The following NRAP variants were observed in gnomAD, a reference collection of about 807,000 sequenced individuals.
NRAP encodes nebulin related anchoring protein.
A neutral mutation model predicts 225.9 loss-of-function variants in NRAP; 189 were observed. That is an observed-to-expected ratio of 0.84 (90% CI 0.74 to 0.94). The LOEUF (loss-of-function observed/expected upper bound fraction) is 0.94, where lower values mean the gene tolerates loss of function less well. NRAP is among the 40% of genes least tolerant of loss of function. The pLI is 0.00. For synonymous variants in NRAP, 769 were observed against 790.7 expected, an observed-to-expected ratio of 0.97 and a Z score of 0.46; for missense variants, 2,176 against 2,168.7, an observed-to-expected ratio of 1.00 and a Z score of -0.07.
intron 20 of NRAP, among the ~76,000 whole-genome samples, chr10:113,627,207 A>G (rs1371821806): frequency 6.6e-6 from 1 of 152,198 alleles, no homozygotes; most frequent in Non-Finnish European, 1.5e-5. Flanking sequence ...ACTGTGTTGA[A>G]TGGGAAAACT....
chr10:113,629,194 C>A (rs1427963000), intron 19 of NRAP, among the ~76,000 whole-genome samples, 173 bp from the exon 20 acceptor site: 1 of 152,194 alleles, frequency 6.6e-6, no homozygotes, highest in African/African-American at 2.4e-5. Flanking sequence ...CCGGGCCCAC[C>A]TTGTAACAAG....
chr10:113,649,172 A>G (rs1182903036), intron 9 of NRAP, among the ~76,000 whole-genome samples: 1 of 152,242 alleles, frequency 6.6e-6, no homozygotes, highest in East Asian at 1.9e-4. Context: ...AGGAGTCCCA[A>G]CCGACCTTCA....
In NRAP at chr10:113,662,663, A is replaced by C. The variant is rs1327767617; in HGVS notation, c.255+16T>G. On this transcript the variant is annotated intron_variant, in intron 3 of 41. Transcript: ENST00000359988. Reference sequence around the variant, plus strand: ...TTCTCCATACCCTCCATCCCACTGAAAATTAAATAACTTACCCCACTGATG... The same window carrying C: ...TTCTCCATACCCTCCATCCCACTGACAATTAAATAACTTACCCCACTGATG... 8 of 1,353,156 alleles carry C rather than the reference A, an allele frequency of 5.9e-6. No homozygotes were observed. Among genetic ancestry groups the C allele is most frequent in the Non-Finnish European group, 2.1e-6 (2 of 941,766 alleles). The allele number at this position is 1,353,156 out of a possible 1,614,324, so 83.8% of individuals were successfully genotyped here.
At chr10:113,659,079 T>A (rs1159761165) in intron 3 of NRAP, among the ~76,000 whole-genome samples, 1 of 152,174 alleles carries the variant, frequency 6.6e-6, no homozygotes, top group Non-Finnish European at 1.5e-5. Flanking sequence ...TTGATGCATA[T>A]ATTTTTAAAT....
chr10:113,648,962 T>C (rs1300858083), intron 9 of NRAP, among the ~76,000 whole-genome samples: 10 of 152,218 alleles, frequency 6.6e-5, no homozygotes, highest in African/African-American at 2.4e-4. Context: ...TTTTGCCAAA[T>C]ATAGAAGCCA....
In NRAP at chr10:113,592,474, G is replaced by A. The variant is rs534620959; in HGVS notation, c.4537-173C>T. Reference sequence around the variant, plus strand: ...AGCACTGGGATTGGTGGGGTTGGCCGTAAAAGGCTTCAGCTCTAAGCCCCC... The same window carrying A: ...AGCACTGGGATTGGTGGGGTTGGCCATAAAAGGCTTCAGCTCTAAGCCCCC... On this transcript the variant is annotated intron_variant, in intron 38 of 41. Transcript: ENST00000359988. Among the ~76,000 whole-genome samples the A allele has an allele frequency of 8.5e-5, 13 of 152,290 alleles. 1 individual carries two copies. The South Asian group carries it at 1.7e-3, about 19-fold the overall frequency.
Position 113,640,328 on chromosome 10 carries a change from C to T in NRAP, c.1327G>A (p.Ala443Thr). The T allele has an allele frequency of 6.5e-7, 1 of 1,534,246 alleles. No homozygotes were observed. Among genetic ancestry groups the T allele is most frequent in the Non-Finnish European group, 8.8e-7 (1 of 1,131,488 alleles). ...TCATGTTTATAATCAGCTTTGTAGG[C>T]AACCTAAAACAGGAAGAAAAGAAGA... ...MKVGSLASNVAYKADYKHDIV... is the reference protein window; with the variant it reads ...MKVGSLASNVTYKADYKHDIV... Residue 443 changes from alanine (A) to threonine (T), a missense_variant, in exon 14 of 42, where the codon GCC (alanine) becomes ACC (threonine). By Grantham distance (58) the Ala-to-Thr change is moderately conservative. Transcript: ENST00000359988.
intron 30 of NRAP, among the ~76,000 whole-genome samples, 153 bp downstream of exon 30, chr10:113,612,081 G>A (rs892559148): frequency 6.6e-6 from 1 of 152,162 alleles, no homozygotes; most frequent in Non-Finnish European, 1.5e-5. Flanking sequence ...CTTAAGGGAT[G>A]TGCAGGAACT....
chr10:113,603,412 C>A (rs1275144406), intron 35 of NRAP, among the ~76,000 whole-genome samples: 1 of 152,036 alleles, frequency 6.6e-6, no homozygotes, highest in African/African-American at 2.4e-5. Context: ...AGGGGCATGG[C>A]TCCCTGCTCT....
At chr10:113,651,114 A>G (rs1849937092) in intron 7 of NRAP, among the ~76,000 whole-genome samples, 1 of 152,246 alleles carries the variant, frequency 6.6e-6, no homozygotes, top group African/African-American at 2.4e-5. Context: ...TACTAATCCA[A>G]TCTAAAGTTT....
chr10:113,627,216 C>A lies in NRAP; in HGVS notation c.2146-1071G>T, dbSNP rs556317705. ...AGTTCCACTGTGTTGAATGGGAAAA[C>A]TCCTTCACCACATAACTGAAGGGAG... On this transcript the variant is annotated intron_variant, in intron 20 of 41. Transcript: ENST00000359988. 8.5e-5 allele frequency among the ~76,000 whole-genome samples: 13 copies of A among 152,322 alleles called. No individual in the cohort carries two copies. The East Asian group carries it at 2.5e-3, about 29-fold the overall frequency.
intron 29 of NRAP, among the ~76,000 whole-genome samples, chr10:113,613,925 CA>C (rs1203414657): frequency 3.3e-5 from 5 of 152,076 alleles, no homozygotes; most frequent in African/African-American, 1.2e-4. Context: ...AAATCCAGAC[CA>C]GTGGCCCATG....
chr10:113,589,072 G>A lies in NRAP; in HGVS notation c.5096C>T (p.Ala1699Val). ...ATGATCTCCAGCCTCCACTGCTTCT[G>A]CCCCCCGCTGCTGAAATCAAACATA... ...GLGLQGAYRG[A>V]EAVEAGDHQS... The change falls in exon 42 of 42, where the codon GCA (alanine) becomes GTA (valine). Residue 1699 changes from alanine (A) to valine (V), a missense_variant. Physicochemically the swap from Ala to Val is moderately conservative, Grantham distance 64. Around this residue, in one of 3 missense-constraint regions of NRAP, gnomAD observed 445 missense variants for 426.1 expected, o/e 1.04. Coordinates refer to ENST00000359988, the MANE Select transcript of NRAP (RefSeq NM_198060.4). 6.2e-7 allele frequency: 1 copy of A among 1,613,208 alleles called. No individual in the cohort carries two copies. The highest frequency in any genetic ancestry group is 1.3e-5 in the African/African-American group (1 of 74,902).
chr10:113,604,900 A>G lies in NRAP; in HGVS notation c.3936T>C (p.Phe1312=). The change falls in exon 35 of 42, where the codon TTT becomes TTC. Residue 1312 remains phenylalanine, a synonymous_variant. Transcript: ENST00000359988. Reference sequence around the variant, plus strand: ...CTATGAGTTTCCCTCGCTCCTTCACAAAGTCATGTCTGTAGAGAAACTGCA... The same window carrying G: ...CTATGAGTTTCCCTCGCTCCTTCACGAAGTCATGTCTGTAGAGAAACTGCA... ...IASDFLYRHD[F]VKERGKLIGP... The G allele has an allele frequency of 1.2e-6, 2 of 1,613,554 alleles. No individual in the cohort carries two copies. The highest frequency in any genetic ancestry group is 2.2e-5 in the South Asian group (2 of 91,044).
chr10:113,662,426 A>T (rs1251630534), intron 3 of NRAP, among the ~76,000 whole-genome samples: 2 of 152,124 alleles, frequency 1.3e-5, no homozygotes, highest in African/African-American at 2.4e-5. Flanking sequence ...GCTATAGGAC[A>T]TTACAACATG....
intron 14 of NRAP, 26 bp from the exon 15 acceptor site, chr10:113,634,236 T>C (rs766357771): frequency 6.8e-7 from 1 of 1,481,024 alleles, no homozygotes; most frequent in South Asian, 1.1e-5. Flanking sequence ...CACAAAAAGA[T>C]GTCATTTGCT....
rs1183864109 is a variant in NRAP at position 113,604,848 on chromosome 10, G to T, written c.3988C>A (p.Arg1330=). ...IGPQSVRDDP[R]IQHCRRMGQL... ...CCCATGCGCCGGCAGTGCTGGATCC[G>T]GGGGTCGTCTCTTACACTCTGGGGC... is the stretch of plus-strand genomic sequence containing the variant. The change falls in exon 35 of 42, where the codon CGG becomes AGG. Residue 1330 remains arginine, a synonymous_variant. Transcript: ENST00000359988. The T allele has an allele frequency of 1.2e-6, 2 of 1,614,188 alleles. No individual in the cohort carries two copies. Among genetic ancestry groups the T allele is most frequent in the Non-Finnish European group, 1.7e-6 (2 of 1,180,030 alleles).
In NRAP at chr10:113,633,129, A is replaced by C. The variant is rs1328108933; in HGVS notation, c.1587T>G (p.Val529=). The change falls in exon 16 of 42, where the codon GTT becomes GTG. Residue 529 remains valine, a synonymous_variant. Coordinates refer to ENST00000359988, the MANE Select transcript of NRAP (RefSeq NM_198060.4). ...TGGTTTTGGCCTTCACCAGCTGAGG[A>C]ACATCCTGGGGCAATGTGTAATTCA... is the stretch of plus-strand genomic sequence containing the variant. The part of the protein sequence containing the change: ...NKLNYTLPQD[V]PQLVKAKTNA... The C allele has an allele frequency of 3.7e-6, 6 of 1,610,648 alleles. No homozygotes were observed. The highest frequency in any genetic ancestry group is 5.1e-6 in the Non-Finnish European group (6 of 1,176,882).
chr10:113,636,921 C>T lies in NRAP; in HGVS notation c.1429-2711G>A, dbSNP rs188166461. On this transcript the variant is annotated intron_variant, in intron 14 of 41. Transcript: ENST00000359988. ...ACTCGGGAGGCTGAGGCAGGAGAATCGCTTAAATGTGGGAGGTGGAGGATG... is the reference window on the plus strand; with the variant it reads ...ACTCGGGAGGCTGAGGCAGGAGAATTGCTTAAATGTGGGAGGTGGAGGATG... Among the ~76,000 whole-genome samples the T allele has an allele frequency of 1.2e-4, 17 of 147,120 alleles. No homozygotes were observed. The East Asian group carries it at 3.1e-3, about 27-fold the overall frequency.
Sources: gnomAD v4.1 joint callset for allele counts (sites outside exome capture counted in the v4.1 genomes callset) on GRCh38, gnomAD v4.1.1 for gene constraint, gnomAD v4.1.1 regional missense constraint, MANE v1.5 for transcripts, NCBI Gene and HGNC (gene_info 2026-07-23, HGNC 2026-07-21) for gene names.